DYRK2: variants seen among roughly 807,000 people sequenced by gnomAD.
DYRK2 encodes the protein dual specificity tyrosine phosphorylation regulated kinase 2.
Under a neutral mutation model 41.6 loss-of-function variants are expected in DYRK2, and 12 were observed. The observed-to-expected ratio is 0.29, with a 90% confidence interval of 0.18 to 0.47. The LOEUF is 0.47. DYRK2 is among the 20% of genes least tolerant of loss of function. DYRK2 has a pLI of 1.00. For missense variants in DYRK2, 678 were observed against 798.4 expected, an observed-to-expected ratio of 0.85 and a Z score of 1.82; for synonymous variants, 322 against 315.7, an observed-to-expected ratio of 1.02 and a Z score of -0.21.
intron 1 of DYRK2, among the ~76,000 whole-genome samples, 197 bp downstream of exon 1, chr12:67,649,379 C>T (rs79297646): frequency 0.26 from 39,727 of 151,336 alleles, 5,793 homozygotes; most frequent in Middle Eastern, 0.36. Flanking sequence ...GCGGGGAGCC[C>T]TCGGCCCGAA....
chr12:67,657,215 T>A lies in DYRK2; in HGVS notation c.308T>A (p.Val103Glu). 6.2e-7 allele frequency: 1 copy of A among 1,614,102 alleles called. No homozygotes were observed. The highest frequency in any genetic ancestry group is 8.5e-7 in the Non-Finnish European group (1 of 1,180,012). ...LFEDNSNKRT[V>E]LTTQPNGLTT... The stretch of plus-strand genomic sequence containing the variant: ...GAGGATAACAGTAACAAGCGGACAG[T>A]GCTCACGACACAACCAAATGGGCTT... The change falls in exon 3 of 3, where the codon GTG becomes GAG. Residue 103 changes from valine (V) to glutamate (E), a missense_variant. Physicochemically the swap from Val to Glu is moderately radical, Grantham distance 121. Transcript: ENST00000344096. This position sits in a 1 kb window ranked among gnomAD's most constrained non-coding sequence, Gnocchi z 4.8.
Position 67,658,249 on chromosome 12 carries a change from G to A in DYRK2, c.1342G>A (p.Ala448Thr), listed in dbSNP as rs1872537102. The A allele has an allele frequency of 2.5e-6, 4 of 1,614,064 alleles. No homozygotes were observed. In the South Asian group the frequency reaches 3.3e-5, roughly 13 times the overall value. ...CATGCCCTCACAGAAACTGCTGGATGCATCCAAACGAGCCAAAAATTTTGT... is the reference window on the plus strand; with the variant it reads ...CATGCCCTCACAGAAACTGCTGGATACATCCAAACGAGCCAAAAATTTTGT... ...LGMPSQKLLD[A>T]SKRAKNFVSS... The change falls in exon 3 of 3, where the codon GCA (alanine) becomes ACA (threonine). Residue 448 changes from alanine to threonine, a missense_variant. By Grantham distance (58) the Ala-to-Thr change is moderately conservative. This residue lies in a region of DYRK2 where 393 missense variants were observed against 519.1 expected (regional missense o/e 0.76). Coordinates refer to ENST00000344096, the MANE Select transcript of DYRK2 (RefSeq NM_006482.3). This position sits in a 1 kb window ranked among gnomAD's most constrained non-coding sequence, Gnocchi z 4.3.
rs2120832747 is a variant in DYRK2, at chr12:67,657,013, A to G, written c.199-93A>G. ...AACCAAATGGGATTTTGTAAATGTG[A>G]GGTTGGGGGCGGTGGTGTTGTTGGG... On this transcript the variant is annotated intron_variant, in intron 2 of 2. Coordinates refer to ENST00000344096, the MANE Select transcript of DYRK2 (RefSeq NM_006482.3). This position sits in a 1 kb window ranked among gnomAD's most constrained non-coding sequence, Gnocchi z 4.8. 1 of 1,301,244 alleles carries G rather than the reference A, an allele frequency of 7.7e-7. No individual in the cohort carries two copies. Among genetic ancestry groups the G allele is most frequent in the Non-Finnish European group, 1.0e-6 (1 of 978,344 alleles). 80.6% of individuals were successfully genotyped at this position (1,301,244 alleles called of 1,614,324 possible).
In DYRK2 at chr12:67,660,843, C is replaced by T. The variant is rs931083405; in HGVS notation, c.*2130C>T. On this transcript the variant is annotated 3_prime_UTR_variant, in exon 3 of 3. Coordinates refer to ENST00000344096, the MANE Select transcript of DYRK2 (RefSeq NM_006482.3). ...AAACATATAATGCTGTTTTGCTCTT[C>T]TAATGCTCCTCTTCCATTTCCAGTT... 6.0e-6 allele frequency: 1 copy of T among 166,844 alleles called. No individual in the cohort carries two copies. Among genetic ancestry groups the T allele is most frequent in the African/African-American group, 2.4e-5 (1 of 41,426 alleles). 10.3% of individuals were successfully genotyped at this position (166,844 alleles called of 1,614,324 possible).
At position 67,657,365 on chromosome 12, in the gene DYRK2, C is replaced by G; in HGVS notation, c.458C>G (p.Pro153Arg). ...MEGMGKVKATPMTPEQAMKQY... is the reference protein window; with the variant it reads ...MEGMGKVKATRMTPEQAMKQY... ...GGCATGGGGAAGGTGAAAGCCACCCCCATGACACCTGAACAAGCAATGAAG... is the reference window on the plus strand; with the variant it reads ...GGCATGGGGAAGGTGAAAGCCACCCGCATGACACCTGAACAAGCAATGAAG... The change falls in exon 3 of 3, where the codon CCC becomes CGC. Residue 153 changes from proline (P) to arginine (R), a missense_variant. Pro to Arg is a moderately radical substitution (Grantham distance 103). This residue lies in a region of DYRK2 where 285 missense variants were observed against 279.2 expected (regional missense o/e 1.02). Transcript: ENST00000344096. This position sits in a 1 kb window ranked among gnomAD's most constrained non-coding sequence, Gnocchi z 4.8. The G allele has an allele frequency of 6.2e-7, 1 of 1,614,148 alleles. No individual in the cohort carries two copies. The highest frequency in any genetic ancestry group is 8.5e-7 in the Non-Finnish European group (1 of 1,180,020).
intron 1 of DYRK2, chr12:67,649,552 C>A: frequency 2.4e-6 from 1 of 416,098 alleles, no homozygotes; most frequent in Non-Finnish European, 4.0e-6. Context: ...CCCGGCGCGG[C>A]CCGGCTCCCC....
chr12:67,658,913 A>G lies in DYRK2; in HGVS notation c.*200A>G. On this transcript the variant is annotated 3_prime_UTR_variant, in exon 3 of 3. Coordinates refer to ENST00000344096, the MANE Select transcript of DYRK2 (RefSeq NM_006482.3). This position sits in a 1 kb window ranked among gnomAD's most constrained non-coding sequence, Gnocchi z 4.3. Reference sequence around the variant, plus strand: ...TGAGGACAATGCTTTAAGTTTTTATACTTTCAGAAACTTTTTGTGTTCTAA... The same window carrying G: ...TGAGGACAATGCTTTAAGTTTTTATGCTTTCAGAAACTTTTTGTGTTCTAA... 1.9e-6 allele frequency: 1 copy of G among 524,078 alleles called. No homozygotes were observed. The allele number at this position is 524,078 out of a possible 1,614,324, so 32.5% of individuals were successfully genotyped here.
Position 67,657,197 on chromosome 12 carries a change from A to G in DYRK2, c.290A>G (p.Asn97Ser). 1 of 1,613,908 alleles carries G rather than the reference A, an allele frequency of 6.2e-7. No individual in the cohort carries two copies. ...CAGGTTCAACAGTTGTTTGAGGATA[A>G]CAGTAACAAGCGGACAGTGCTCACG... Reference protein sequence around the residue: ...QIQVQQLFEDNSNKRTVLTTQ... With the variant: ...QIQVQQLFEDSSNKRTVLTTQ... Residue 97 changes from asparagine (N) to serine (S), a missense_variant, in exon 3 of 3, where the codon AAC becomes AGC. Asn to Ser is a conservative substitution (Grantham distance 46). Coordinates refer to ENST00000344096, the MANE Select transcript of DYRK2 (RefSeq NM_006482.3). This position sits in a 1 kb window ranked among gnomAD's most constrained non-coding sequence, Gnocchi z 4.8.
At position 67,658,583 on chromosome 12, in the gene DYRK2, C is replaced by G; in HGVS notation, c.1676C>G (p.Ala559Gly). The G allele has an allele frequency of 6.2e-7, 1 of 1,614,196 alleles. No individual in the cohort carries two copies. Among genetic ancestry groups the G allele is most frequent in the Non-Finnish European group, 8.5e-7 (1 of 1,180,026 alleles). The change falls in exon 3 of 3, where the codon GCT becomes GGT. Residue 559 changes from alanine to glycine, a missense_variant. Transcript: ENST00000344096. This position sits in a 1 kb window ranked among gnomAD's most constrained non-coding sequence, Gnocchi z 4.3. ...AAAAGGATAACTGAGAGCACCGGTG[C>G]TATCACATCTATATCCAAGTTACCT... is the stretch of plus-strand genomic sequence containing the variant. ...SVKRITESTG[A>G]ITSISKLPPP...
chr12:67,655,091 A>G lies in DYRK2; in HGVS notation c.199-2015A>G, dbSNP rs932296744. 5.3e-5 allele frequency among the ~76,000 whole-genome samples: 8 copies of G among 152,214 alleles called. No individual in the cohort carries two copies. In the South Asian group the frequency reaches 1.0e-3, roughly 20 times the overall value. On this transcript the variant is annotated intron_variant, in intron 2 of 2. Transcript: ENST00000344096. Reference sequence around the variant, plus strand: ...GTCAGTCTCGTTAGTTTTAGTTACTAAAACATTTGTGATCATGTATTAAAT... The same window carrying G: ...GTCAGTCTCGTTAGTTTTAGTTACTGAAACATTTGTGATCATGTATTAAAT...
rs931098042 is a variant in DYRK2, at chr12:67,660,956, A to G, written c.*2243A>G. On this transcript the variant is annotated 3_prime_UTR_variant, in exon 3 of 3. Transcript: ENST00000344096. The stretch of plus-strand genomic sequence containing the variant: ...TGACGATACATGTGAACATTTATAA[A>G]TGGACTAATACTGCTTGTCTTTCCC... 6.0e-6 allele frequency: 1 copy of G among 167,098 alleles called. No homozygotes were observed. The highest frequency in any genetic ancestry group is 1.5e-5 in the Non-Finnish European group (1 of 68,122). 10.4% of individuals were successfully genotyped at this position (167,098 alleles called of 1,614,324 possible). A position where few individuals can be genotyped will look rare whatever the true frequency, so the allele number is the denominator to read the frequency against.
intron 2 of DYRK2, among the ~76,000 whole-genome samples, chr12:67,655,835 C>G (rs1336539923): frequency 1.3e-5 from 2 of 152,230 alleles, no homozygotes; most frequent in Non-Finnish European, 2.9e-5. Flanking sequence ...GTTACATATA[C>G]AGAGCCCTTC....
intron 2 of DYRK2, among the ~76,000 whole-genome samples, chr12:67,655,634 C>G (rs997999451): frequency 6.6e-6 from 1 of 152,126 alleles, no homozygotes; most frequent in Non-Finnish European, 1.5e-5. Flanking sequence ...CACAGTCAGA[C>G]AGGCCCCAAG....
Position 67,657,103 on chromosome 12 carries a change from C to T in DYRK2, c.199-3C>T. On this transcript the variant is annotated splice_polypyrimidine_tract_variant and splice_region_variant and intron_variant, in intron 2 of 2. Coordinates refer to ENST00000344096, the MANE Select transcript of DYRK2 (RefSeq NM_006482.3). The surrounding 1 kb of genome is among the most constrained non-coding windows in gnomAD (Gnocchi z 4.8). The stretch of plus-strand genomic sequence containing the variant: ...CTATTTATATTTCCTGTCTGAATTC[C>T]AGATTGGCGGCAGTAAGCACACAAT... The T allele has an allele frequency of 6.5e-7, 1 of 1,539,852 alleles. No individual in the cohort carries two copies. Among genetic ancestry groups the T allele is most frequent in the Non-Finnish European group, 8.7e-7 (1 of 1,142,994 alleles).
At chr12:67,651,507 G>A (rs769420721) in intron 2 of DYRK2, 1 of 447,002 alleles carries the variant, frequency 2.2e-6, no homozygotes. Context: ...GAGAGCCTGT[G>A]GTGCACCAGA....
chr12:67,661,926 ATG>A lies in DYRK2; in HGVS notation c.*3216_*3217del, dbSNP rs1872633450. The A allele has an allele frequency of 6.0e-6, 1 of 166,766 alleles. No homozygotes were observed. Among genetic ancestry groups the A allele is most frequent in the Admixed American group, 6.5e-5 (1 of 15,278 alleles). 10.3% of individuals were successfully genotyped at this position (166,766 alleles called of 1,614,324 possible). On this transcript the variant is annotated 3_prime_UTR_variant, in exon 3 of 3. Transcript: ENST00000344096. The stretch of plus-strand genomic sequence containing the variant: ...ATGAACCAAAGTGCATTCCTTTTAT[ATG>A]TGCCTGGCTCTAGTAAGGATGGCCA...
Position 67,649,789 on chromosome 12 carries a change from G to A in DYRK2, c.50-8G>A. Reference sequence around the variant, plus strand: ...CCTCTTTTGTCTCCTCCCGCACGTGGCTTCCAGGCCGAGGTGGGGACAGCG... The same window carrying A: ...CCTCTTTTGTCTCCTCCCGCACGTGACTTCCAGGCCGAGGTGGGGACAGCG... On this transcript the variant is annotated splice_region_variant and splice_polypyrimidine_tract_variant and intron_variant, in intron 1 of 2. Transcript: ENST00000344096. 1.5e-6 allele frequency: 2 copies of A among 1,314,136 alleles called. No homozygotes were observed. The highest frequency in any genetic ancestry group is 9.8e-7 in the Non-Finnish European group (1 of 1,024,536). 81.4% of individuals were successfully genotyped at this position (1,314,136 alleles called of 1,614,324 possible). A position where few individuals can be genotyped will look rare whatever the true frequency, so the allele number is the denominator to read the frequency against.
In DYRK2 at chr12:67,659,840, C is replaced by G. The variant is rs1004406515; in HGVS notation, c.*1127C>G. 2 of 167,028 alleles carry G rather than the reference C, an allele frequency of 1.2e-5. No individual in the cohort carries two copies. The highest frequency in any genetic ancestry group is 4.8e-5 in the African/African-American group (2 of 41,426). 10.3% of individuals were successfully genotyped at this position (167,028 alleles called of 1,614,324 possible). A position where few individuals can be genotyped will look rare whatever the true frequency, so the allele number is the denominator to read the frequency against. On this transcript the variant is annotated 3_prime_UTR_variant, in exon 3 of 3. Coordinates refer to ENST00000344096, the MANE Select transcript of DYRK2 (RefSeq NM_006482.3). ...ACGAACAGAAGTCACTTTGGCTGTT[C>G]AGTAAGGCCAATGTTAACAACACGT...
chr12:67,650,005 C>G (rs998584416), intron 2 of DYRK2, 60 bp downstream of exon 2: 1 of 1,284,562 alleles, frequency 7.8e-7, no homozygotes, highest in African/African-American at 1.5e-5. Context: ...CAGGCCGAAG[C>G]ACCCGGACTT....
Sources: gnomAD v4.1 joint callset for allele counts (sites outside exome capture counted in the v4.1 genomes callset) on GRCh38, gnomAD v4.1.1 for gene constraint, gnomAD v4.1.1 regional missense constraint, Gnocchi (gnomAD v3.1) non-coding constraint, MANE v1.5 for transcripts, NCBI Gene and HGNC (gene_info 2026-07-23, HGNC 2026-07-21) for gene names.